HYKK: variants seen among roughly 807,000 people sequenced by gnomAD.
HYKK encodes the protein hydroxylysine kinase.
HYKK carries 19 observed loss-of-function variants against 29.7 expected under a neutral mutation model. The observed-to-expected ratio is 0.64, with a 90% CI of 0.45 to 0.94. HYKK has a LOEUF of 0.94. Ranked by LOEUF, HYKK falls within the 40% of genes least tolerant of loss-of-function variation. The probability of loss-of-function intolerance (pLI) is 0.00; values close to 1 mark genes in which losing one functional copy is unlikely to be tolerated. For missense variants in HYKK, 390 were observed against 443.4 expected, an observed-to-expected ratio of 0.88 and a Z score of 1.08; for synonymous variants, 152 against 158.1, an observed-to-expected ratio of 0.96 and a Z score of 0.29.
intron 3 of HYKK, among the ~76,000 whole-genome samples, chr15:78,523,436 ACCT>A (rs2052218594): frequency 6.6e-6 from 1 of 151,938 alleles, no homozygotes; most frequent in Non-Finnish European, 1.5e-5. Context: ...TGATCCAATC[ACCT>A]CCTACCAGGC....
chr15:78,520,734 G>A (rs948038871), intron 3 of HYKK, among the ~76,000 whole-genome samples: 5 of 152,234 alleles, frequency 3.3e-5, no homozygotes, highest in South Asian at 2.1e-4. Flanking sequence ...ATCATGGCCC[G>A]TTCTCAATGA....
chr15:78,512,400 C>CTTTT (rs902963099), intron 1 of HYKK, among the ~76,000 whole-genome samples: 11 of 125,662 alleles, frequency 8.8e-5, no homozygotes, highest in South Asian at 2.5e-4. Context: ...TTTTCTTTTT[C>CTTTT]TTTTTTTTTT....
chr15:78,511,573 C>CA (rs1441480858), intron 1 of HYKK, among the ~76,000 whole-genome samples: 1 of 151,926 alleles, frequency 6.6e-6, no homozygotes, highest in South Asian at 2.1e-4. Context: ...GCAAAAAATA[C>CA]AAAAAATTAG....
chr15:78,520,636 T>C (rs1267421516), intron 3 of HYKK, among the ~76,000 whole-genome samples: 2 of 152,218 alleles, frequency 1.3e-5, no homozygotes, highest in Admixed American at 1.3e-4. Flanking sequence ...CCAGGTCTAC[T>C]TCTTTCTACA....
chr15:78,531,918 G>C (rs895576816), intron 4 of HYKK, among the ~76,000 whole-genome samples: 1 of 144,162 alleles, frequency 6.9e-6, no homozygotes, highest in Non-Finnish European at 1.6e-5. Flanking sequence ...ATGATTTACA[G>C]TAATATTGTT....
intron 3 of HYKK, among the ~76,000 whole-genome samples, chr15:78,520,994 G>A (rs2052190305): frequency 6.6e-6 from 1 of 152,246 alleles, no homozygotes; most frequent in Non-Finnish European, 1.5e-5. Context: ...TCCCGGACGG[G>A]GCGGCTGAGG....
chr15:78,529,847 AT>A (rs35773115), intron 4 of HYKK, among the ~76,000 whole-genome samples: 2 of 150,552 alleles, frequency 1.3e-5, no homozygotes, highest in East Asian at 2.0e-4. Context: ...ATAATTCTAA[AT>A]TTTTTTTTTG....
At chr15:78,512,441 G>T (rs1425697693) in intron 1 of HYKK, among the ~76,000 whole-genome samples, 7 of 113,250 alleles carry the variant, frequency 6.2e-5, no homozygotes, top group Admixed American at 2.5e-4. Flanking sequence ...TCGCCCTGTT[G>T]CCCAGGCTAG....
At chr15:78,532,502 A>G (rs924065260) in intron 4 of HYKK, among the ~76,000 whole-genome samples, 2 of 152,208 alleles carry the variant, frequency 1.3e-5, no homozygotes, top group Admixed American at 1.3e-4. Flanking sequence ...TTTGTTTAAA[A>G]TCCTAGCTGA....
At chr15:78,515,780 A>C (rs971889438) in intron 3 of HYKK, among the ~76,000 whole-genome samples, 1 of 151,834 alleles carries the variant, frequency 6.6e-6, no homozygotes. Flanking sequence ...AGTAGAGACG[A>C]GGTTTCACTG....
rs775988298 is a variant in HYKK, at chr15:78,527,506, C to G, written c.604C>G (p.His202Asp). 2.9e-5 allele frequency: 46 copies of G among 1,613,982 alleles called. No individual in the cohort carries two copies. Among genetic ancestry groups the G allele is most frequent in the African/African-American group, 4.0e-5 (3 of 74,896 alleles). Reference sequence around the variant, plus strand: ...GAATCGAAACCGAGAGATTGTTGAGCATGTCATTCATCTGTTCAAGGAGGA... The same window carrying G: ...GAATCGAAACCGAGAGATTGTTGAGGATGTCATTCATCTGTTCAAGGAGGA... ...GQNRNREIVE[H>D]VIHLFKEEVM... is the part of the protein sequence containing the mutation. Residue 202 changes from histidine (H) to aspartate (D), a missense_variant, in exon 4 of 5, where the codon CAT (histidine) becomes GAT (aspartate). His to Asp is a moderately conservative substitution (Grantham distance 81). Transcript: ENST00000388988.
At chr15:78,520,433 G>A (rs1189058414) in intron 3 of HYKK, among the ~76,000 whole-genome samples, 1 of 152,016 alleles carries the variant, frequency 6.6e-6, no homozygotes, top group East Asian at 1.9e-4. Flanking sequence ...AGGGAGTGGT[G>A]ATGACTCTTA....
chr15:78,530,318 A>T (rs7169584), intron 4 of HYKK, among the ~76,000 whole-genome samples: 39,544 of 151,768 alleles, frequency 0.26, 5,843 homozygotes, highest in Admixed American at 0.46. Flanking sequence ...CTCCTGCTGC[A>T]GCCATCCAGG....
downstream of HYKK, chr15:78,537,282 AT>A: frequency 1.6e-6 from 1 of 641,912 alleles, no homozygotes; most frequent in Non-Finnish European, 2.9e-6. Context: ...TTAAATATTT[AT>A]TTTACTTTAC....
chr15:78,530,979 C>T (rs1390744212), intron 4 of HYKK, among the ~76,000 whole-genome samples: 1 of 152,114 alleles, frequency 6.6e-6, no homozygotes, highest in Non-Finnish European at 1.5e-5. Flanking sequence ...AAGTGATTCT[C>T]ATGCCTCAGC....
chr15:78,528,577 T>G (rs1596034291), intron 4 of HYKK: 2 of 882,678 alleles, frequency 2.3e-6, no homozygotes, highest in Non-Finnish European at 2.7e-6. Flanking sequence ...CCGAGGTGGG[T>G]GGATCACTTG....
intron 4 of HYKK, among the ~76,000 whole-genome samples, chr15:78,530,681 G>A (rs951548688): frequency 7.2e-5 from 11 of 151,794 alleles, no homozygotes; most frequent in African/African-American, 2.7e-4. Context: ...TTATAGCTGG[G>A]GCTACAGGCA....
chr15:78,509,850 G>A (rs2052053641), intron 1 of HYKK, among the ~76,000 whole-genome samples: 1 of 152,178 alleles, frequency 6.6e-6, no homozygotes, highest in South Asian at 2.1e-4. Context: ...GGCTTAACTT[G>A]CTTCTGAAAG....
Position 78,513,398 on chromosome 15 carries a change from G to A in HYKK, c.310G>A (p.Asp104Asn), listed in dbSNP as rs757525820. 2 of 1,613,552 alleles carry A rather than the reference G, an allele frequency of 1.2e-6. No individual in the cohort carries two copies. The highest frequency in any genetic ancestry group is 2.7e-5 in the African/African-American group (2 of 74,858). Reference protein sequence around the residue: ...PTASVCHTKGDNTASLVSVDS... With the variant: ...PTASVCHTKGNNTASLVSVDS... ...AGCCTCTGTGTGTCACACTAAAGGA[G>A]ACAACACAGCTTCTCTCGTGTCTGT... Residue 104 changes from aspartate to asparagine, a missense_variant, in exon 2 of 5, where the codon GAC (aspartate) becomes AAC (asparagine). Asp to Asn is a conservative substitution (Grantham distance 23). Coordinates refer to ENST00000388988, the MANE Select transcript of HYKK (RefSeq NM_001013619.4).
Sources: allele counts gnomAD v4.1 joint callset (sites outside exome capture counted in the v4.1 genomes callset), GRCh38; gene constraint gnomAD v4.1.1; transcripts MANE v1.5; gene names NCBI Gene and HGNC (gene_info 2026-07-23, HGNC 2026-07-21).